Variants in MYO5B observed in about 807,000 individuals in gnomAD.
MYO5B encodes the protein myosin VB.
MYO5B carries 143 observed loss-of-function variants against 229.3 expected under a neutral mutation model. The observed-to-expected ratio is 0.62, with a 90% CI of 0.54 to 0.72. The LOEUF (loss-of-function observed/expected upper bound fraction) is 0.72. Ranked by LOEUF, MYO5B falls within the 30% of genes least tolerant of loss-of-function variation. The pLI is 0.00. For missense variants in MYO5B, 2,321 were observed against 2,331.0 expected (o/e 1.00, Z 0.09); for synonymous variants, 918 against 885.2 (o/e 1.04, Z -0.66).
chr18:50,122,190 A>G (rs1346818590), intron 1 of MYO5B, among the ~76,000 whole-genome samples: 1 of 152,128 alleles, frequency 6.6e-6, no homozygotes, highest in Non-Finnish European at 1.5e-5. Context: ...CTCAATGACA[A>G]TTTTCGCCAC....
intron 1 of MYO5B, among the ~76,000 whole-genome samples, chr18:50,077,707 G>A (rs570038441): frequency 6.6e-6 from 1 of 152,256 alleles, no homozygotes; most frequent in East Asian, 1.9e-4. Flanking sequence ...AACTTCAAGA[G>A]AGACACTTGT....
intron 5 of MYO5B, among the ~76,000 whole-genome samples, chr18:49,996,239 G>A (rs1318591932): frequency 6.6e-6 from 1 of 152,134 alleles, no homozygotes; most frequent in Admixed American, 6.5e-5. Flanking sequence ...AAAAGTACTG[G>A]AACAACCATT....
chr18:50,028,756 C>T (rs150022204), intron 4 of MYO5B, among the ~76,000 whole-genome samples: 1 of 152,350 alleles, frequency 6.6e-6, no homozygotes, highest in Non-Finnish European at 1.5e-5. Flanking sequence ...TCCTGCACAA[C>T]TAATTTCCAC....
intron 21 of MYO5B, among the ~76,000 whole-genome samples, chr18:49,902,050 T>C (rs1367216095): frequency 3.3e-5 from 5 of 152,228 alleles, no homozygotes; most frequent in South Asian, 4.1e-4. Context: ...CAGTTTCCTA[T>C]TGCTGCTGCA....
chr18:49,869,712 A>G (rs1403804280), intron 27 of MYO5B, among the ~76,000 whole-genome samples: 3 of 152,090 alleles, frequency 2.0e-5, no homozygotes, highest in Admixed American at 6.5e-5. Flanking sequence ...TGCGTAGGGT[A>G]GTACAGTGGT....
chr18:49,965,600 G>A (rs1012494491), intron 10 of MYO5B, among the ~76,000 whole-genome samples: 1 of 152,106 alleles, frequency 6.6e-6, no homozygotes, highest in Non-Finnish European at 1.5e-5. Flanking sequence ...GCCTCCAGCA[G>A]CCAAGAGTTA....
intron 20 of MYO5B, among the ~76,000 whole-genome samples, chr18:49,903,042 T>G (rs902313375): frequency 2.0e-5 from 3 of 152,248 alleles, no homozygotes; most frequent in African/African-American, 7.2e-5. Flanking sequence ...CCACAGGGAA[T>G]CAGCTGTCAA....
intron 1 of MYO5B, among the ~76,000 whole-genome samples, chr18:50,157,817 A>C (rs1279858145): frequency 2.0e-5 from 3 of 152,206 alleles, no homozygotes; most frequent in African/African-American, 7.2e-5. Context: ...GAGGGCCAAA[A>C]CCATGTCTTG....
At chr18:49,830,203 T>G (rs1212189360) in intron 39 of MYO5B, among the ~76,000 whole-genome samples, 1 of 149,660 alleles carries the variant, frequency 6.7e-6, no homozygotes, top group East Asian at 1.9e-4. Flanking sequence ...TTCAGCGAAG[T>G]ACATAATAAA....
At chr18:49,972,894 A>G (rs2144278415) in intron 10 of MYO5B, among the ~76,000 whole-genome samples, 1 of 152,108 alleles carries the variant, frequency 6.6e-6, no homozygotes, top group Non-Finnish European at 1.5e-5. Flanking sequence ...GTGATTCTCC[A>G]CTGTGTGCTC....
chr18:50,019,896 T>A (rs1448862339), intron 4 of MYO5B, among the ~76,000 whole-genome samples: 1 of 152,312 alleles, frequency 6.6e-6, no homozygotes, highest in Middle Eastern at 3.4e-3. Context: ...TCTTGCATGA[T>A]CTGTCTACTC....
At chr18:49,838,753 C>T (rs1369209083) in intron 36 of MYO5B, among the ~76,000 whole-genome samples, 1 of 152,308 alleles carries the variant, frequency 6.6e-6, no homozygotes, top group African/African-American at 2.4e-5. Context: ...ATGCATCGTG[C>T]CGACTGCTGT....
intron 1 of MYO5B, among the ~76,000 whole-genome samples, chr18:50,159,676 C>T (rs934288984): frequency 3.3e-5 from 5 of 152,198 alleles, no homozygotes; most frequent in Admixed American, 1.3e-4. Flanking sequence ...AAGAAAAAGT[C>T]CCTTTGCCAT....
At chr18:49,856,935 A>C (rs749931379) in intron 29 of MYO5B, 45 bp from the exon 30 acceptor site, 71 of 1,509,748 alleles carry the variant, frequency 4.7e-5, no homozygotes, top group Non-Finnish European at 6.4e-5. Flanking sequence ...TGTAGACGGA[A>C]GAGACAGGCA....
In MYO5B at chr18:49,868,078, G is replaced by A. The variant is rs189201509; in HGVS notation, c.3604-3698C>T. Among the ~76,000 whole-genome samples, 16 of 144,188 alleles carry A rather than the reference G, an allele frequency of 1.1e-4. No individual in the cohort carries two copies. The East Asian group carries it at 2.1e-3, about 19-fold the overall frequency. The allele number at this position is 144,188 out of a possible 152,430, so 94.6% of individuals were successfully genotyped here. On this transcript the variant is annotated intron_variant, in intron 27 of 39. Coordinates refer to ENST00000285039, the MANE Select transcript of MYO5B (RefSeq NM_001080467.3). ...TACAAAGACATGTAGAAAAATGCTC[G>A]TTATAGTGAGAAAAAAAGCAGAAAA...
intron 1 of MYO5B, among the ~76,000 whole-genome samples, chr18:50,113,675 G>T (rs1298797681): frequency 1.3e-5 from 2 of 152,192 alleles, no homozygotes; most frequent in Non-Finnish European, 2.9e-5. Flanking sequence ...GGGCCCTGAA[G>T]GGTTGAAGTT....
At chr18:50,073,788 C>A (rs1282330337) in intron 1 of MYO5B, among the ~76,000 whole-genome samples, 1 of 152,148 alleles carries the variant, frequency 6.6e-6, no homozygotes, top group Non-Finnish European at 1.5e-5. Context: ...GAAAATGATA[C>A]CTCCATCTAC....
intron 22 of MYO5B, among the ~76,000 whole-genome samples, chr18:49,893,540 C>T (rs1178935784): frequency 6.6e-6 from 1 of 152,242 alleles, no homozygotes; most frequent in Non-Finnish European, 1.5e-5. Flanking sequence ...CTTCATGTCT[C>T]ATGGTGGGCA....
rs186167452 is a variant in MYO5B at position 50,070,271 on chromosome 18, G to A, written c.28-14893C>T. The stretch of plus-strand genomic sequence containing the variant: ...ACTCCTGACCTCAGGTGATCCGTAC[G>A]CCTCAGCCTCCCAAAGTGCTGGGAC... On this transcript the variant is annotated intron_variant, in intron 1 of 39. Transcript: ENST00000285039. Among the ~76,000 whole-genome samples the A allele has an allele frequency of 3.3e-3, 496 of 152,070 alleles. 3 individuals carry two copies. Among genetic ancestry groups the A allele is most frequent in the Non-Finnish European group, 5.5e-3 (374 of 67,994 alleles).
Sources: allele counts gnomAD v4.1 joint callset (sites outside exome capture counted in the v4.1 genomes callset), GRCh38; gene constraint gnomAD v4.1.1; transcripts MANE v1.5; gene names NCBI Gene and HGNC (gene_info 2026-07-23, HGNC 2026-07-21).